RIT2: variants seen among roughly 807,000 people sequenced by gnomAD.
RIT2 encodes Ras like without CAAX 2, also known as GTP-binding protein Rit2.
RIT2 carries 24 observed loss-of-function variants against 23.7 expected under a neutral mutation model. That is an observed-to-expected ratio of 1.01 (90% CI 0.73 to 1.43). RIT2 has a LOEUF of 1.43. Ranked by LOEUF, RIT2 falls within the 40% of genes most tolerant of loss-of-function variation. The pLI is 0.00. For missense variants in RIT2, 236 were observed against 266.9 expected, an observed-to-expected ratio of 0.88 and a Z score of 0.81; for synonymous variants, 107 against 91.1, an observed-to-expected ratio of 1.17 and a Z score of -0.99.
intron 3 of RIT2, among the ~76,000 whole-genome samples, chr18:42,959,330 T>C: frequency 6.6e-6 from 1 of 152,214 alleles, no homozygotes; most frequent in East Asian, 1.9e-4. Context: ...AAAATGCTTT[T>C]TTATAAGACT....
intron 3 of RIT2, among the ~76,000 whole-genome samples, chr18:42,926,009 A>G (rs1373177797): frequency 1.3e-5 from 2 of 151,750 alleles, no homozygotes; most frequent in African/African-American, 2.4e-5. Flanking sequence ...TATTCTTATT[A>G]TAGACAATGC....
At chr18:42,867,369 C>G (rs1907500330) in intron 4 of RIT2, among the ~76,000 whole-genome samples, 1 of 152,050 alleles carries the variant, frequency 6.6e-6, no homozygotes. Context: ...AAACTCCAAG[C>G]AGATGCAACT....
chr18:43,045,928 T>C (rs1468383950), intron 1 of RIT2, among the ~76,000 whole-genome samples: 4 of 152,192 alleles, frequency 2.6e-5, no homozygotes, highest in Non-Finnish European at 5.9e-5. Context: ...TCTATTTAAA[T>C]TAATTACGGT....
chr18:42,912,726 A>G (rs769030940), intron 4 of RIT2, among the ~76,000 whole-genome samples: 10 of 151,982 alleles, frequency 6.6e-5, no homozygotes, highest in Non-Finnish European at 1.3e-4. Flanking sequence ...TAACAGCTAC[A>G]GTTTTTGCAT....
At chr18:42,793,158 G>T (rs1396913769) in intron 4 of RIT2, among the ~76,000 whole-genome samples, 1 of 152,130 alleles carries the variant, frequency 6.6e-6, no homozygotes, top group Non-Finnish European at 1.5e-5. Context: ...CCTGCTAGTA[G>T]TAATACAAGT....
At chr18:43,017,364 T>C (rs924287886) in intron 2 of RIT2, among the ~76,000 whole-genome samples, 7 of 127,096 alleles carry the variant, frequency 5.5e-5, no homozygotes, top group Non-Finnish European at 9.0e-5. Flanking sequence ...AGTCAATAAA[T>C]AATAAAAGAT....
At chr18:42,793,739 A>G (rs1253841090) in intron 4 of RIT2, among the ~76,000 whole-genome samples, 2 of 152,214 alleles carry the variant, frequency 1.3e-5, no homozygotes, top group African/African-American at 2.4e-5. Flanking sequence ...TTCAAAGTAA[A>G]CATTCAAGTG....
At chr18:43,020,509 A>C (rs1037726170) in intron 2 of RIT2, among the ~76,000 whole-genome samples, 13 of 152,110 alleles carry the variant, frequency 8.5e-5, no homozygotes, top group East Asian at 1.9e-4. Flanking sequence ...CAAAACAAAA[A>C]AAATGCATAT....
chr18:42,874,078 A>G (rs906294447), intron 4 of RIT2, among the ~76,000 whole-genome samples: 1 of 152,170 alleles, frequency 6.6e-6, no homozygotes, highest in African/African-American at 2.4e-5. Flanking sequence ...TTATGAATCA[A>G]CATAACCCTG....
chr18:42,869,424 GA>G (rs1907559169), intron 4 of RIT2, among the ~76,000 whole-genome samples: 1 of 152,202 alleles, frequency 6.6e-6, no homozygotes, highest in African/African-American at 2.4e-5. Flanking sequence ...GGGTTTTGGG[GA>G]CCCCAGTTGT....
At chr18:42,975,432 G>A (rs1229665056) in intron 2 of RIT2, among the ~76,000 whole-genome samples, 1 of 151,996 alleles carries the variant, frequency 6.6e-6, no homozygotes, top group African/African-American at 2.4e-5. Flanking sequence ...CTAGTATGTT[G>A]TTGAGGAATT....
At chr18:42,905,005 C>G (rs1450332031) in intron 4 of RIT2, among the ~76,000 whole-genome samples, 3 of 152,120 alleles carry the variant, frequency 2.0e-5, no homozygotes, top group African/African-American at 7.2e-5. Context: ...TAAATTAGTG[C>G]AATTGTTTTG....
chr18:42,750,174 A>G (rs1487305531), intron 4 of RIT2, among the ~76,000 whole-genome samples: 1 of 151,844 alleles, frequency 6.6e-6, no homozygotes, highest in Non-Finnish European at 1.5e-5. Context: ...ATGGCAACAT[A>G]TAATTCCCAT....
chr18:43,092,918 G>T (rs60743642), intron 1 of RIT2, among the ~76,000 whole-genome samples: 8 of 152,052 alleles, frequency 5.3e-5, no homozygotes, highest in African/African-American at 1.4e-4. Context: ...AAAGTTACAC[G>T]TTAAATAATG....
intron 1 of RIT2, among the ~76,000 whole-genome samples, chr18:43,093,121 TGTGA>T (rs1429558519): frequency 3.3e-5 from 5 of 152,120 alleles, no homozygotes; most frequent in East Asian, 1.9e-4. Flanking sequence ...AAAAAGAATA[TGTGA>T]GTAAGTGGGA....
chr18:42,776,492 C>G (rs944075639), intron 4 of RIT2, among the ~76,000 whole-genome samples: 11 of 151,886 alleles, frequency 7.2e-5, no homozygotes, highest in Non-Finnish European at 1.5e-4. Flanking sequence ...GAAATTATAC[C>G]AAAAAAGTAA....
At chr18:42,825,427 G>A (rs1906268319) in intron 4 of RIT2, among the ~76,000 whole-genome samples, 1 of 151,520 alleles carries the variant, frequency 6.6e-6, no homozygotes, top group South Asian at 2.1e-4. Context: ...CTAGTACTAG[G>A]ACCTATAAAA....
chr18:42,902,464 G>A (rs1427505097), intron 4 of RIT2, among the ~76,000 whole-genome samples: 1 of 151,498 alleles, frequency 6.6e-6, no homozygotes, highest in African/African-American at 2.4e-5. Flanking sequence ...TGTTTCTTGG[G>A]TATAATGTTT....
At chr18:42,784,317 C>CCATGAAATGAACCATGAAATGA (rs551588072) in intron 4 of RIT2, among the ~76,000 whole-genome samples, 345 of 151,230 alleles carry the variant, frequency 2.3e-3, no homozygotes, top group African/African-American at 7.5e-3. Context: ...AAGATAAAGG[C>CCATGAAATGAACCATGAAATGA]AAGAGAATGC....
Sources: allele counts gnomAD v4.1 joint callset (sites outside exome capture counted in the v4.1 genomes callset), GRCh38; gene constraint gnomAD v4.1.1; transcripts MANE v1.5; gene names NCBI Gene and HGNC (gene_info 2026-07-23, HGNC 2026-07-21).